AKIRIN2: variants seen among roughly 807,000 people sequenced by gnomAD.
The protein encoded by AKIRIN2 is akirin 2.
A neutral mutation model predicts 29.3 loss-of-function variants in AKIRIN2; 6 were observed. The observed-to-expected ratio is 0.20, with a 90% CI of 0.11 to 0.40. The LOEUF is 0.40. AKIRIN2 is among the 10% of genes least tolerant of loss of function. The pLI, the probability that AKIRIN2 is intolerant of heterozygous loss-of-function variation, is 1.00. For missense variants in AKIRIN2, 210 were observed against 276.1 expected (o/e 0.76, Z 1.70); for synonymous variants, 128 against 117.5 (o/e 1.09, Z -0.58).
Position 87,701,954 on chromosome 6 carries a change from TCCG to T in AKIRIN2, c.-273_-271del. Reference sequence around the variant, plus strand: ...ACGCCAGTCGCGTCAGGGGGGTTCTTCCGCCTCCTCAGGCGCGGCTCCCCCGAG... The same window carrying T: ...ACGCCAGTCGCGTCAGGGGGGTTCTTCCTCCTCAGGCGCGGCTCCCCCGAG... On this transcript the variant is annotated 5_prime_UTR_variant, in exon 1 of 5. Coordinates refer to ENST00000257787, the MANE Select transcript of AKIRIN2 (RefSeq NM_018064.4). 1 of 402,776 alleles carries T rather than the reference TCCG, an allele frequency of 2.5e-6. No homozygotes were observed. The highest frequency in any genetic ancestry group is 4.4e-6 in the Non-Finnish European group (1 of 228,158). The allele number at this position is 402,776 out of a possible 1,614,324, so 25.0% of individuals were successfully genotyped here.
In AKIRIN2 at chr6:87,677,903, A is replaced by G. The variant is rs751232767; in HGVS notation, c.444T>C (p.Val148=). The stretch of plus-strand genomic sequence containing the variant: ...TCAACAAACGTTCACAGATCATCCC[A>G]ACCTGCCGTAGAGTAAATAAGGGCT... The part of the protein sequence containing the change: ...KEQPLFTLRQ[V]GMICERLLKE... Residue 148 remains valine (V), a synonymous_variant, in exon 3 of 5, where the codon GTT becomes GTC. Transcript: ENST00000257787. The G allele has an allele frequency of 8.1e-6, 13 of 1,614,010 alleles. No homozygotes were observed. Among genetic ancestry groups the G allele is most frequent in the Non-Finnish European group, 1.0e-5 (12 of 1,180,014 alleles).
chr6:87,693,425 T>C (rs913325040), intron 1 of AKIRIN2, among the ~76,000 whole-genome samples: 1 of 151,076 alleles, frequency 6.6e-6, no homozygotes, highest in African/African-American at 2.4e-5. Context: ...AATGCTTTAT[T>C]GGTGTTTTAA....
chr6:87,677,731 T>C (rs1403331787), intron 3 of AKIRIN2, 87 bp downstream of exon 3: 6 of 1,447,286 alleles, frequency 4.1e-6, no homozygotes, highest in Non-Finnish European at 5.7e-6. Context: ...ACCGCACCAG[T>C]GTATAGAAAG....
Position 87,701,736 on chromosome 6 carries a change from G to GA in AKIRIN2, c.-53dup. On this transcript the variant is annotated 5_prime_UTR_variant, in exon 1 of 5. Transcript: ENST00000257787. ...TCGGGTGGGGTCGGGGACGGGTGAC[G>GA]AAAGAAGAGGGTGAGGGAAGGGGTG... 7.8e-7 allele frequency: 1 copy of GA among 1,286,128 alleles called. No homozygotes were observed. Among genetic ancestry groups the GA allele is most frequent in the Non-Finnish European group, 1.0e-6 (1 of 974,910 alleles). The allele number at this position is 1,286,128 out of a possible 1,614,324, so 79.7% of individuals were successfully genotyped here.
At chr6:87,681,035 ATTG>A (rs1771111320) in intron 2 of AKIRIN2, among the ~76,000 whole-genome samples, 3 of 151,482 alleles carry the variant, frequency 2.0e-5, no homozygotes, top group South Asian at 4.2e-4. Context: ...AGCATACAGT[ATTG>A]TTATTATTTT....
chr6:87,697,894 T>C (rs1771397215), intron 1 of AKIRIN2, among the ~76,000 whole-genome samples: 1 of 152,188 alleles, frequency 6.6e-6, no homozygotes, highest in Non-Finnish European at 1.5e-5. Flanking sequence ...CACAAATACA[T>C]TAACATTCAC....
At chr6:87,691,735 CA>C (rs1234780283) in intron 1 of AKIRIN2, among the ~76,000 whole-genome samples, 1 of 152,116 alleles carries the variant, frequency 6.6e-6, no homozygotes, top group East Asian at 1.9e-4. Flanking sequence ...AGTGTGCCAG[CA>C]GGCAGAATGC....
chr6:87,680,375 G>A (rs546404819), intron 2 of AKIRIN2, among the ~76,000 whole-genome samples: 103 of 147,904 alleles, frequency 7.0e-4, no homozygotes, highest in African/African-American at 2.3e-3. Flanking sequence ...TCTGCCTCCC[G>A]GGTTCATGCC....
intron 1 of AKIRIN2, among the ~76,000 whole-genome samples, chr6:87,685,532 A>AGTT (rs1281864799): frequency 6.6e-6 from 1 of 152,202 alleles, no homozygotes; most frequent in Non-Finnish European, 1.5e-5. Context: ...TCTTGCCAAC[A>AGTT]CAATTTACAG....
At chr6:87,678,733 C>T (rs1771067378) in intron 2 of AKIRIN2, among the ~76,000 whole-genome samples, 1 of 152,068 alleles carries the variant, frequency 6.6e-6, no homozygotes, top group Non-Finnish European at 1.5e-5. Flanking sequence ...TGTAAAAAGA[C>T]ACTTAGTCTT....
intron 1 of AKIRIN2, among the ~76,000 whole-genome samples, chr6:87,690,350 C>A (rs1249250457): frequency 2.0e-5 from 3 of 152,068 alleles, no homozygotes; most frequent in Admixed American, 1.3e-4. Flanking sequence ...TAGGAAAATA[C>A]CTAAGCTAAC....
At chr6:87,688,434 C>T (rs1199339108) in intron 1 of AKIRIN2, among the ~76,000 whole-genome samples, 1 of 151,458 alleles carries the variant, frequency 6.6e-6, no homozygotes, top group Non-Finnish European at 1.5e-5. Context: ...CCTGGCAAGA[C>T]CGTGTCTTTA....
At chr6:87,693,122 G>A (rs1258682888) in intron 1 of AKIRIN2, among the ~76,000 whole-genome samples, 4 of 151,702 alleles carry the variant, frequency 2.6e-5, no homozygotes, top group East Asian at 2.0e-4. Context: ...CCAGCTACTC[G>A]GGAGGCTGAG....
At chr6:87,688,981 G>A (rs1205938259) in intron 1 of AKIRIN2, among the ~76,000 whole-genome samples, 1 of 152,178 alleles carries the variant, frequency 6.6e-6, no homozygotes, top group Non-Finnish European at 1.5e-5. Flanking sequence ...CAGTACCAGT[G>A]AAATGAAAGA....
chr6:87,683,235 G>A (rs1771143854), intron 1 of AKIRIN2, among the ~76,000 whole-genome samples: 2 of 152,150 alleles, frequency 1.3e-5, no homozygotes, highest in Admixed American at 1.3e-4. Context: ...ATACACGAAT[G>A]TGCAGTTTAA....
chr6:87,701,186 A>C (rs1271947278), intron 1 of AKIRIN2, among the ~76,000 whole-genome samples: 1 of 151,984 alleles, frequency 6.6e-6, no homozygotes, highest in Non-Finnish European at 1.5e-5. Context: ...AAAGAAAAAG[A>C]TGTCCCTGTT....
intron 1 of AKIRIN2, among the ~76,000 whole-genome samples, chr6:87,692,211 T>C (rs1007987448): frequency 2.8e-4 from 42 of 152,220 alleles, no homozygotes; most frequent in African/African-American, 1.0e-3. Flanking sequence ...GCTTAGTCAC[T>C]GAAAGGCAAA....
chr6:87,685,808 C>G (rs67993159), intron 1 of AKIRIN2, among the ~76,000 whole-genome samples: 19,924 of 152,238 alleles, frequency 0.13, 1,467 homozygotes, highest in African/African-American at 0.19. Flanking sequence ...CTACAACTCA[C>G]AGCATTTTCA....
rs977929720 is a variant in AKIRIN2 at position 87,701,840 on chromosome 6, G to A, written c.-156C>T. ...CGCGGAGCGCCGGCTGTGGAAAGGA[G>A]AGCCGCTGCCGCCGCTGCCTCCGCG... On this transcript the variant is annotated 5_prime_UTR_variant, in exon 1 of 5. Transcript: ENST00000257787. The A allele has an allele frequency of 1.4e-5, 7 of 494,572 alleles. No homozygotes were observed. Among genetic ancestry groups the A allele is most frequent in the African/African-American group, 6.0e-5 (3 of 49,594 alleles). 30.6% of individuals were successfully genotyped at this position (494,572 alleles called of 1,614,324 possible). A position where few individuals can be genotyped will look rare whatever the true frequency, so the allele number is the denominator to read the frequency against.
Sources: allele counts gnomAD v4.1 joint callset (sites outside exome capture counted in the v4.1 genomes callset), GRCh38; gene constraint gnomAD v4.1.1; transcripts MANE v1.5; gene names NCBI Gene and HGNC (gene_info 2026-07-23, HGNC 2026-07-21).